ZNG1A: variants seen among roughly 807,000 people sequenced by gnomAD.
ZNG1A encodes zinc-regulated GTPase metalloprotein activator 1A.
chr9:143,701 T>C, the ZNG1A span, among the ~76,000 whole-genome samples: 4 of 122,638 alleles, frequency 3.3e-5, 1 homozygote, highest in East Asian at 5.4e-4. Context: ...CCAGGGCAAT[T>C]AGGCAGGAGA....
At chr9:145,522 G>C in the ZNG1A span, among the ~76,000 whole-genome samples, 3 of 132,738 alleles carry the variant, frequency 2.3e-5, no homozygotes, top group Non-Finnish European at 4.7e-5. Context: ...CACAGGAAGG[G>C]GAACATCACA....
chr9:138,541 G>GAA, the ZNG1A span, among the ~76,000 whole-genome samples: 2,942 of 140,110 alleles, frequency 0.021, 114 homozygotes, highest in African/African-American at 0.076. Context: ...ACTGAAGGTG[G>GAA]AAAAAAAAAA....
At chr9:163,496 G>A in the ZNG1A span, among the ~76,000 whole-genome samples, 1 of 152,006 alleles carries the variant, frequency 6.6e-6, no homozygotes, top group East Asian at 1.9e-4. Flanking sequence ...ACTGTCTGGG[G>A]TTTTTTAATC....
the ZNG1A span, among the ~76,000 whole-genome samples, chr9:125,277 T>C: frequency 6.7e-6 from 1 of 150,332 alleles, no homozygotes; most frequent in Non-Finnish European, 1.5e-5. Context: ...TATCGCACTG[T>C]GGTTTTGATT....
chr9:136,675 T>C, the ZNG1A span, among the ~76,000 whole-genome samples: 2 of 125,502 alleles, frequency 1.6e-5, no homozygotes, highest in East Asian at 2.5e-4. Flanking sequence ...AAAAATATTC[T>C]AGTGTTTAAC....
chr9:144,612 T>TTA, the ZNG1A span, among the ~76,000 whole-genome samples: 1 of 151,852 alleles, frequency 6.6e-6, no homozygotes, highest in African/African-American at 2.4e-5. Flanking sequence ...AACCTAGGCA[T>TTA]TACCATTCAG....
At chr9:160,228 A>G in the ZNG1A span, 1 of 454,110 alleles carries the variant, frequency 2.2e-6, no homozygotes, top group South Asian at 1.6e-5. Flanking sequence ...CCTCAGTTTC[A>G]GTTTGGCTGG....
chr9:129,221 T>C, the ZNG1A span, among the ~76,000 whole-genome samples: 61 of 151,622 alleles, frequency 4.0e-4, no homozygotes, highest in African/African-American at 1.4e-3. Context: ...GAACAGGTGA[T>C]GTGTTGGGCT....
At chr9:142,151 A>G in the ZNG1A span, among the ~76,000 whole-genome samples, 31,824 of 144,532 alleles carry the variant, frequency 0.22, 4,191 homozygotes, top group East Asian at 0.4. Flanking sequence ...AAAACCAACA[A>G]GCATACCCAG....
At chr9:146,222 A>G in the ZNG1A span, 5 of 1,581,058 alleles carry the variant, frequency 3.2e-6, no homozygotes, top group East Asian at 2.2e-5. Flanking sequence ...GTTAATCAAG[A>G]AAAAAAACTC....
At chr9:148,578 C>A in the ZNG1A span, 3 of 107,200 alleles carry the variant, frequency 2.8e-5, no homozygotes, top group African/African-American at 3.7e-5. Context: ...TTAAAATCGC[C>A]AAGAAAAAAA....
chr9:175,098 G>T, the ZNG1A span, among the ~76,000 whole-genome samples: 3 of 151,962 alleles, frequency 2.0e-5, no homozygotes, highest in Admixed American at 6.5e-5. Context: ...ACATTTTTTC[G>T]CCAGGCATGG....
chr9:163,088 A>G, the ZNG1A span, among the ~76,000 whole-genome samples: 2 of 151,072 alleles, frequency 1.3e-5, no homozygotes, highest in African/African-American at 2.4e-5. Flanking sequence ...CGCCACATAT[A>G]TTAGAGCTCA....
At chr9:159,409 C>T in the ZNG1A span, among the ~76,000 whole-genome samples, 4 of 151,752 alleles carry the variant, frequency 2.6e-5, no homozygotes, top group East Asian at 7.7e-4. Flanking sequence ...CTTGAATCTG[C>T]TAAAACATAG....
the ZNG1A span, among the ~76,000 whole-genome samples, chr9:161,887 T>G: frequency 1.3e-5 from 2 of 151,698 alleles, no homozygotes; most frequent in African/African-American, 4.9e-5. Context: ...GTGTATATCC[T>G]GATTTTCTTC....
At chr9:176,710 C>G in the ZNG1A span, among the ~76,000 whole-genome samples, 1 of 151,840 alleles carries the variant, frequency 6.6e-6, no homozygotes, top group Admixed American at 6.6e-5. Context: ...AATCTTAAAA[C>G]CAGTCCAAGC....
chr9:128,638 C>T, the ZNG1A span, among the ~76,000 whole-genome samples: 5 of 149,232 alleles, frequency 3.4e-5, no homozygotes, highest in African/African-American at 1.3e-4. Flanking sequence ...TCTCTGGTGC[C>T]TTAGCTTAAT....
chr9:150,671 C>T, the ZNG1A span: 2 of 982,342 alleles, frequency 2.0e-6, no homozygotes, highest in African/African-American at 3.6e-5. Flanking sequence ...ATTTTAGTCA[C>T]TTGCTCACTC....
chr9:160,673 T>G, the ZNG1A span, among the ~76,000 whole-genome samples: 20 of 151,500 alleles, frequency 1.3e-4, 1 homozygote, highest in African/African-American at 4.6e-4. Flanking sequence ...CATATAAAAT[T>G]ATTCCTATAA....
Sources: gnomAD v4.1 joint callset for allele counts (sites outside exome capture counted in the v4.1 genomes callset) on GRCh38, gnomAD v4.1.1 for gene constraint, MANE v1.5 for transcripts, NCBI Gene and HGNC (gene_info 2026-07-23, HGNC 2026-07-21) for gene names.